HS2ST1: variants seen among roughly 807,000 people sequenced by gnomAD.
HS2ST1 encodes heparan sulfate 2-O-sulfotransferase 1.
Under a neutral mutation model 42.9 loss-of-function variants are expected in HS2ST1, and 18 were observed. That is an observed-to-expected ratio of 0.42 (90% CI 0.29 to 0.62). HS2ST1 has a LOEUF of 0.62. Among genes scored for constraint, HS2ST1 ranks in the 20% least tolerant of loss-of-function variants. The probability of loss-of-function intolerance (pLI) is 0.21; values close to 1 mark genes in which losing one functional copy is unlikely to be tolerated. For missense variants in HS2ST1, 334 were observed against 433.8 expected, an observed-to-expected ratio of 0.77 and a Z score of 2.04; for synonymous variants, 146 against 152.9, an observed-to-expected ratio of 0.95 and a Z score of 0.33.
chr1:86,933,601 A>C (rs7542636), intron 1 of HS2ST1, among the ~76,000 whole-genome samples: 1 of 152,148 alleles, frequency 6.6e-6, no homozygotes, highest in Non-Finnish European at 1.5e-5. Context: ...TATAGTTACT[A>C]AATTCTCACA....
At chr1:87,005,301 C>T (rs1462443017) in intron 1 of HS2ST1, among the ~76,000 whole-genome samples, 1 of 152,080 alleles carries the variant, frequency 6.6e-6, no homozygotes, top group Non-Finnish European at 1.5e-5. Flanking sequence ...TGTACCTTAT[C>T]CTCCAATTTT....
At chr1:87,043,199 G>A (rs1235637709) in intron 1 of HS2ST1, among the ~76,000 whole-genome samples, 1 of 152,072 alleles carries the variant, frequency 6.6e-6, no homozygotes, top group Non-Finnish European at 1.5e-5. Context: ...ATAATTTTAA[G>A]TACTGTTTGA....
chr1:87,009,990 A>G (rs888558476), intron 1 of HS2ST1, among the ~76,000 whole-genome samples: 2 of 151,882 alleles, frequency 1.3e-5, no homozygotes, highest in Non-Finnish European at 2.9e-5. Flanking sequence ...AGCCAAGATC[A>G]CGCCACTGCA....
At chr1:86,998,280 C>G (rs1452236361) in intron 1 of HS2ST1, among the ~76,000 whole-genome samples, 2 of 152,190 alleles carry the variant, frequency 1.3e-5, no homozygotes, top group South Asian at 2.1e-4. Flanking sequence ...TGACCAAATA[C>G]ATTCAACATC....
At chr1:87,039,630 T>A (rs1175307252) in intron 1 of HS2ST1, among the ~76,000 whole-genome samples, 2 of 152,226 alleles carry the variant, frequency 1.3e-5, no homozygotes, top group Admixed American at 6.5e-5. Context: ...CATTTATCCT[T>A]ATATCAGTTC....
chr1:86,946,717 G>A (rs1325464517), intron 1 of HS2ST1, among the ~76,000 whole-genome samples: 1 of 152,134 alleles, frequency 6.6e-6, no homozygotes, highest in African/African-American at 2.4e-5. Flanking sequence ...TTTGGAAATA[G>A]GTGTCTAGAA....
chr1:87,058,003 C>T (rs1651020907), intron 1 of HS2ST1, among the ~76,000 whole-genome samples: 1 of 151,738 alleles, frequency 6.6e-6, no homozygotes. Flanking sequence ...CTGCTTCTCT[C>T]TCTATTTCTG....
intron 5 of HS2ST1, 113 bp downstream of exon 5, chr1:87,098,048 A>T: frequency 2.0e-6 from 3 of 1,503,374 alleles, no homozygotes; most frequent in Non-Finnish European, 2.7e-6. Context: ...TAGACTAAAA[A>T]TAACATGTAA....
At chr1:86,958,890 T>C (rs1403195070) in intron 1 of HS2ST1, among the ~76,000 whole-genome samples, 1 of 152,226 alleles carries the variant, frequency 6.6e-6, no homozygotes, top group African/African-American at 2.4e-5. Flanking sequence ...TTACATACTA[T>C]AGCTAAGTGG....
At chr1:87,086,215 G>T (rs1242063193) in intron 3 of HS2ST1, among the ~76,000 whole-genome samples, 3 of 152,066 alleles carry the variant, frequency 2.0e-5, no homozygotes, top group Admixed American at 1.3e-4. Flanking sequence ...CCAGGGTATT[G>T]GTTCTCGGAC....
intron 3 of HS2ST1, among the ~76,000 whole-genome samples, chr1:87,086,809 T>G (rs955516969): frequency 6.6e-6 from 1 of 150,862 alleles, no homozygotes; most frequent in African/African-American, 2.4e-5. Context: ...TTGATTTTTT[T>G]AAAGTATATT....
intron 4 of HS2ST1, among the ~76,000 whole-genome samples, chr1:87,096,427 C>G (rs981402006): frequency 3.0e-4 from 45 of 152,278 alleles, no homozygotes; most frequent in African/African-American, 1.1e-3. Flanking sequence ...AACTCATATA[C>G]ATTAATATCA....
At chr1:87,096,616 G>A (rs1373678825) in intron 4 of HS2ST1, among the ~76,000 whole-genome samples, 2 of 152,088 alleles carry the variant, frequency 1.3e-5, no homozygotes, top group African/African-American at 4.8e-5. Flanking sequence ...TCTTTGTTGT[G>A]GGGGGCTTCT....
At chr1:87,090,855 C>T (rs1651923640) in intron 3 of HS2ST1, among the ~76,000 whole-genome samples, 1 of 151,956 alleles carries the variant, frequency 6.6e-6, no homozygotes, top group South Asian at 2.1e-4. Context: ...ACTTAGCTGC[C>T]TCAAGGACCT....
chr1:87,038,141 A>G (rs1351878404), intron 1 of HS2ST1, among the ~76,000 whole-genome samples: 1 of 152,048 alleles, frequency 6.6e-6, no homozygotes, highest in Non-Finnish European at 1.5e-5. Flanking sequence ...GGTCACAACC[A>G]TCTGTTTTAT....
intron 1 of HS2ST1, chr1:86,993,267 T>A (rs895195649): frequency 9.4e-7 from 1 of 1,069,036 alleles, no homozygotes; most frequent in African/African-American, 1.6e-5. Context: ...ATAATAGGAT[T>A]TGGCAGGGGG....
At position 86,927,973 on chromosome 1, in the gene HS2ST1, A is replaced by G. The variant is rs1175177026; in HGVS notation, c.124+12813A>G. On this transcript the variant is annotated intron_variant, in intron 1 of 6. Coordinates refer to ENST00000370550, the MANE Select transcript of HS2ST1 (RefSeq NM_012262.4). The stretch of plus-strand genomic sequence containing the variant: ...CTTCAGACAATGAATTGTACATCAA[A>G]TACTCTGTTACTATCATGCTTTCAA... Among the ~76,000 whole-genome samples, 3 of 152,096 alleles carry G rather than the reference A, an allele frequency of 2.0e-5. No individual in the cohort carries two copies. In the East Asian group the frequency reaches 5.8e-4, roughly 29 times the overall value.
chr1:86,988,066 TGAA>T (rs1419997947), intron 1 of HS2ST1, among the ~76,000 whole-genome samples: 1 of 152,206 alleles, frequency 6.6e-6, no homozygotes, highest in Non-Finnish European at 1.5e-5. Flanking sequence ...GCAGTGGGGA[TGAA>T]GATCTGTGGG....
chr1:86,926,685 A>G (rs1660429074), intron 1 of HS2ST1, among the ~76,000 whole-genome samples: 1 of 152,194 alleles, frequency 6.6e-6, no homozygotes. Flanking sequence ...AAGTTGACTG[A>G]GGGGAAAGTA....
Sources: allele counts gnomAD v4.1 joint callset (sites outside exome capture counted in the v4.1 genomes callset), GRCh38; gene constraint gnomAD v4.1.1; transcripts MANE v1.5; gene names NCBI Gene and HGNC (gene_info 2026-07-23, HGNC 2026-07-21).